STAT5A: variants seen among roughly 807,000 people sequenced by gnomAD.
STAT5A encodes the protein signal transducer and activator of transcription 5A.
A neutral mutation model predicts 100.2 loss-of-function variants in STAT5A; 26 were observed. The ratio of observed to expected loss-of-function variants is 0.26; its 90% CI spans 0.19 to 0.36. The LOEUF is 0.36. STAT5A is among the 10% of genes least tolerant of loss of function. STAT5A has a pLI of 1.00. For missense variants in STAT5A, 634 were observed against 1,027.5 expected (o/e 0.62, Z 5.24); for synonymous variants, 330 against 424.3 (o/e 0.78, Z 2.73).
rs1366267203 is a variant in STAT5A at position 42,304,430 on chromosome 17, G to T, written c.1257+1G>T. On this transcript the variant is annotated splice_donor_variant, in intron 10 of 18. Transcript: ENST00000590949. LOFTEE classifies it high-confidence loss of function. The surrounding 1 kb of genome is among the most constrained non-coding windows in gnomAD (Gnocchi z 4.8). The stretch of plus-strand genomic sequence containing the variant: ...CCTCAGTGCCCACTTCAGGAACATG[G>T]TGAGGACGGGGCCCACCCTCGGAGG... 1 of 1,614,256 alleles carries T rather than the reference G, an allele frequency of 6.2e-7. No individual in the cohort carries two copies. Among genetic ancestry groups the T allele is most frequent in the Non-Finnish European group, 8.5e-7 (1 of 1,180,054 alleles).
chr17:42,299,893 C>A lies in STAT5A; in HGVS notation c.681+12C>A. The A allele has an allele frequency of 6.2e-7, 1 of 1,601,450 alleles. No homozygotes were observed. Among genetic ancestry groups the A allele is most frequent in the Non-Finnish European group, 8.5e-7 (1 of 1,175,148 alleles). ...AGCAGTACCGCGTGGTGAGTGGGGT[C>A]CTGGGCCTCTCCTGGGCGTGGGTGC... On this transcript the variant is annotated intron_variant, in intron 6 of 18. Transcript: ENST00000590949.
chr17:42,296,358 C>T (rs1304826862), intron 5 of STAT5A, among the ~76,000 whole-genome samples: 1 of 152,092 alleles, frequency 6.6e-6, no homozygotes, highest in African/African-American at 2.4e-5. Flanking sequence ...CTCCTGTATC[C>T]TAGGTCTGTA....
chr17:42,293,660 A>G (rs186414187), intron 4 of STAT5A, among the ~76,000 whole-genome samples: 171 of 152,342 alleles, frequency 1.1e-3, no homozygotes, highest in African/African-American at 4.0e-3. Context: ...TGGATTCTCT[A>G]GAGATGAGCT....
rs533672266 is a variant in STAT5A at position 42,303,583 on chromosome 17, G to A, written c.1170-759G>A. ...AAATTAGCCAGGTATGGTTGTGTGC[G>A]CCTGTAGTCCCAGCTACTTGGGAGG... On this transcript the variant is annotated intron_variant, in intron 9 of 18. Transcript: ENST00000590949. 1.1e-4 allele frequency among the ~76,000 whole-genome samples: 16 copies of A among 152,124 alleles called. No individual in the cohort carries two copies. The South Asian group carries it at 2.3e-3, about 22-fold the overall frequency.
intron 8 of STAT5A, 27 bp downstream of exon 8, chr17:42,300,897 A>G: frequency 1.9e-6 from 3 of 1,610,730 alleles, no homozygotes; most frequent in Non-Finnish European, 2.5e-6. Flanking sequence ...TGCCATGCCC[A>G]GGAGCTTGGG....
At position 42,307,735 on chromosome 17, in the gene STAT5A, T is replaced by C; in HGVS notation, c.1906+12T>C. ...GAAGTTTGACTCCCGTGAGTGCCCG[T>C]TTTGCCCACACTCCAGCCCCAAGGC... On this transcript the variant is annotated intron_variant, in intron 15 of 18. Transcript: ENST00000590949. The C allele has an allele frequency of 6.2e-7, 1 of 1,612,774 alleles. No homozygotes were observed. Among genetic ancestry groups the C allele is most frequent in the Non-Finnish European group, 8.5e-7 (1 of 1,179,202 alleles).
intron 13 of STAT5A, among the ~76,000 whole-genome samples, chr17:42,306,780 C>T (rs1240820508): frequency 2.0e-5 from 3 of 151,742 alleles, no homozygotes; most frequent in South Asian, 4.2e-4. Flanking sequence ...AGTGCAGTGG[C>T]GTGATTTCAG....
rs1282487677 is a variant in STAT5A, at chr17:42,308,880, A to C, written c.2063-167A>C. 1 of 802,036 alleles carries C rather than the reference A, an allele frequency of 1.2e-6. No homozygotes were observed. The highest frequency in any genetic ancestry group is 2.1e-6 in the Non-Finnish European group (1 of 487,008). The allele number at this position is 802,036 out of a possible 1,614,324, so 49.7% of individuals were successfully genotyped here. On this transcript the variant is annotated intron_variant, in intron 16 of 18. Transcript: ENST00000590949. This position sits in a 1 kb window ranked among gnomAD's most constrained non-coding sequence, Gnocchi z 4.6. ...CAAGCCAGGGGTCTCAGTGACCCTCAGGCAGGATTCATCAGCTGGTGTTTA... is the reference window on the plus strand; with the variant it reads ...CAAGCCAGGGGTCTCAGTGACCCTCCGGCAGGATTCATCAGCTGGTGTTTA...
chr17:42,306,549 AC>A, intron 13 of STAT5A, 102 bp downstream of exon 13: 8 of 1,513,272 alleles, frequency 5.3e-6, no homozygotes, highest in East Asian at 2.5e-5. Flanking sequence ...CCCACTCTCC[AC>A]CCCCAACCAC....
In STAT5A at chr17:42,300,724, G is replaced by T; in HGVS notation, c.843G>T (p.Lys281Asn). 1 of 1,613,732 alleles carries T rather than the reference G, an allele frequency of 6.2e-7. No homozygotes were observed. The highest frequency in any genetic ancestry group is 8.5e-7 in the Non-Finnish European group (1 of 1,179,824). The change falls in exon 8 of 19, where the codon AAG becomes AAT. Residue 281 changes from lysine to asparagine, a missense_variant. Lys to Asn is a moderately conservative substitution (Grantham distance 94). This residue lies in a region of STAT5A where 98 missense variants were observed against 149.7 expected (regional missense o/e 0.65). Coordinates refer to ENST00000590949, the MANE Select transcript of STAT5A (RefSeq NM_001288718.2). ...SLDVLQSWCE[K>N]LAEIIWQNRQ... is the part of the protein sequence containing the mutation. The stretch of plus-strand genomic sequence containing the variant: ...TGGGGCTCTCGTGCAGGTGTGAGAA[G>T]TTGGCCGAGATCATCTGGCAGAACC...
chr17:42,295,222 C>CAAAT (rs2080907530), intron 4 of STAT5A, among the ~76,000 whole-genome samples: 2 of 152,208 alleles, frequency 1.3e-5, no homozygotes, highest in South Asian at 4.2e-4. Context: ...ATTGAGTCAG[C>CAAAT]AAATAAATGT....
At chr17:42,289,192 T>C in intron 1 of STAT5A, 1 of 492,040 alleles carries the variant, frequency 2.0e-6, no homozygotes, top group Non-Finnish European at 3.5e-6. Context: ...CAGAGCACCT[T>C]CCCCTCCCCT....
rs1424043393 is a variant in STAT5A, at chr17:42,308,216, C to A, written c.1945C>A (p.Arg649=). Residue 649 remains arginine (R), a synonymous_variant, in exon 16 of 19, where the codon CGG becomes AGG. Transcript: ENST00000590949. The surrounding 1 kb of genome is among the most constrained non-coding windows in gnomAD (Gnocchi z 4.6). The stretch of plus-strand genomic sequence containing the variant: ...GTGGAACCTGAAACCATTCACCACG[C>A]GGGATTTCTCCATCAGGTCCCTGGC... ...NLWNLKPFTT[R]DFSIRSLADR... 4 of 1,614,116 alleles carry A rather than the reference C, an allele frequency of 2.5e-6. No homozygotes were observed. The highest frequency in any genetic ancestry group is 2.7e-5 in the African/African-American group (2 of 74,932).
In STAT5A at chr17:42,289,195, C is replaced by T. The variant is rs1054252579; in HGVS notation, c.-10-207C>T. ...CACCTGCCTCTGCAGAGCACCTTCC[C>T]CTCCCCTTCAGCGGGTTCCTTGTTG... On this transcript the variant is annotated intron_variant, in intron 1 of 18. Transcript: ENST00000590949. 4 of 499,940 alleles carry T rather than the reference C, an allele frequency of 8.0e-6. No individual in the cohort carries two copies. In the African/African-American group the frequency reaches 8.0e-5, roughly 10 times the overall value. The allele number at this position is 499,940 out of a possible 1,614,324, so 31.0% of individuals were successfully genotyped here.
At chr17:42,301,595 G>A (rs958644770) in intron 9 of STAT5A, 141 bp downstream of exon 9, 3 of 1,308,408 alleles carry the variant, frequency 2.3e-6, no homozygotes, top group East Asian at 2.5e-5. Context: ...GACTCATGCA[G>A]TCTTCCCACC....
chr17:42,306,413 G>A lies in STAT5A; in HGVS notation c.1646G>A (p.Ser549Asn), dbSNP rs1413897155. ...NNSSSHLEDY[S>N]GLSVSWSQFN... is the part of the protein sequence containing the mutation. ...AGCAGCAGCCACCTGGAGGACTACA[G>A]TGGCCTGTCCGTGTCCTGGTCCCAG... Residue 549 changes from serine (S) to asparagine (N), a missense_variant, in exon 13 of 19, where the codon AGT (serine) becomes AAT (asparagine). Around this residue, in one of 5 missense-constraint regions of STAT5A, gnomAD observed 210 missense variants for 428.4 expected, o/e 0.49. Transcript: ENST00000590949. The A allele has an allele frequency of 2.5e-6, 4 of 1,613,938 alleles. No homozygotes were observed. The South Asian group carries it at 3.3e-5, about 13-fold the overall frequency.
In STAT5A at chr17:42,311,006, T is replaced by A. The variant is rs1331393919; in HGVS notation, c.*337T>A. 1 of 303,586 alleles carries A rather than the reference T, an allele frequency of 3.3e-6. No homozygotes were observed. Among genetic ancestry groups the A allele is most frequent in the Non-Finnish European group, 6.4e-6 (1 of 155,762 alleles). The allele number at this position is 303,586 out of a possible 1,614,324, so 18.8% of individuals were successfully genotyped here. A position where few individuals can be genotyped will look rare whatever the true frequency, so the allele number is the denominator to read the frequency against. On this transcript the variant is annotated 3_prime_UTR_variant, in exon 19 of 19. Coordinates refer to ENST00000590949, the MANE Select transcript of STAT5A (RefSeq NM_001288718.2). ...CTCATCTGCTCAGCAGCTATTTGAA[T>A]GAGATGATTCAGAAGGGGAGGGGAG...
Position 42,308,759 on chromosome 17 carries a change from G to C in STAT5A, c.2063-288G>C. 1.9e-6 allele frequency: 1 copy of C among 528,538 alleles called. No homozygotes were observed. Among genetic ancestry groups the C allele is most frequent in the Non-Finnish European group, 3.4e-6 (1 of 295,762 alleles). The allele number at this position is 528,538 out of a possible 1,614,324, so 32.7% of individuals were successfully genotyped here. A position where few individuals can be genotyped will look rare whatever the true frequency, so the allele number is the denominator to read the frequency against. On this transcript the variant is annotated intron_variant, in intron 16 of 18. Coordinates refer to ENST00000590949, the MANE Select transcript of STAT5A (RefSeq NM_001288718.2). The surrounding 1 kb of genome is among the most constrained non-coding windows in gnomAD (Gnocchi z 4.6). ...TTCTTCCAGCTGCCCCAAATCCATT[G>C]GTTGGGTTTGCTTGTTGATTCTCAT...
chr17:42,302,884 G>C (rs562390936), intron 9 of STAT5A, among the ~76,000 whole-genome samples: 1 of 152,152 alleles, frequency 6.6e-6, no homozygotes, highest in East Asian at 1.9e-4. Context: ...TGAACCCGGA[G>C]GTGGACGTGG....
Sources: allele counts gnomAD v4.1 joint callset (sites outside exome capture counted in the v4.1 genomes callset), GRCh38; gene constraint gnomAD v4.1.1; regional missense constraint gnomAD v4.1.1; non-coding constraint Gnocchi (gnomAD v3.1); transcripts MANE v1.5; gene names NCBI Gene and HGNC (gene_info 2026-07-23, HGNC 2026-07-21).